The following FBXO38 variants were observed in gnomAD, a reference collection of about 807,000 sequenced individuals.
FBXO38 encodes the protein F-box only protein 38.
FBXO38 carries 53 observed loss-of-function variants against 131.9 expected under a neutral mutation model. The ratio of observed to expected loss-of-function variants is 0.40; its 90% CI spans 0.32 to 0.51. The LOEUF (loss-of-function observed/expected upper bound fraction) is 0.51. Ranked by LOEUF, FBXO38 falls within the 20% of genes least tolerant of loss-of-function variation. The pLI is 0.53. For missense variants in FBXO38, 1,076 were observed against 1,475.6 expected, an observed-to-expected ratio of 0.73 and a Z score of 4.44; for synonymous variants, 452 against 505.6, an observed-to-expected ratio of 0.89 and a Z score of 1.42.
intron 20 of FBXO38, among the ~76,000 whole-genome samples, 160 bp from the exon 21 acceptor site, chr5:148,440,964 G>A (rs746553164): frequency 1.3e-5 from 2 of 152,082 alleles, no homozygotes; most frequent in Admixed American, 6.6e-5. Context: ...AACATAAAAC[G>A]TAAACAGAAA....
intron 12 of FBXO38, among the ~76,000 whole-genome samples, chr5:148,422,876 T>A (rs144002156): frequency 6.6e-6 from 1 of 152,242 alleles, no homozygotes; most frequent in Non-Finnish European, 1.5e-5. Flanking sequence ...TTTCCAAGCT[T>A]TTAACAATCT....
chr5:148,414,952 C>G (rs1048036091), intron 10 of FBXO38, among the ~76,000 whole-genome samples: 1 of 152,136 alleles, frequency 6.6e-6, no homozygotes, highest in African/African-American at 2.4e-5. Flanking sequence ...GACAAAGCCT[C>G]TCACTGACAC....
At chr5:148,396,432 T>A (rs1323476755) in intron 2 of FBXO38, among the ~76,000 whole-genome samples, 2 of 152,200 alleles carry the variant, frequency 1.3e-5, no homozygotes, top group Non-Finnish European at 2.9e-5. Flanking sequence ...TTGGGTGGAC[T>A]ATTCAGCAAT....
chr5:148,406,348 C>A lies in FBXO38; in HGVS notation c.822C>A (p.Phe274Leu). The change falls in exon 7 of 22, where the codon TTC (phenylalanine) becomes TTA (leucine). Residue 274 changes from phenylalanine to leucine, a missense_variant. Around this residue, in one of 8 missense-constraint regions of FBXO38, gnomAD observed 146 missense variants for 274.3 expected, o/e 0.53. Coordinates refer to ENST00000340253, the MANE Select transcript of FBXO38 (RefSeq NM_205836.3). ...ACTTAGAAATGGTTCGAGTTCCTTT[C>A]CTTGGAGGTCTTATCCAACATGTTG... The part of the protein sequence containing the change: ...LEHLEMVRVP[F>L]LGGLIQHVVE... The A allele has an allele frequency of 6.2e-7, 1 of 1,607,458 alleles. No homozygotes were observed. The highest frequency in any genetic ancestry group is 8.5e-7 in the Non-Finnish European group (1 of 1,176,622).
rs1176764993 is a variant in FBXO38, at chr5:148,439,640, TC to T, written c.3025-5del. ...TTGAAGACATCTCTTTATGATGTCT[TC>T]CACAGGTGGACACTCTAACTTTGGA... On this transcript the variant is annotated splice_region_variant and splice_polypyrimidine_tract_variant and intron_variant, in intron 18 of 21. Transcript: ENST00000340253. 1 of 1,601,780 alleles carries T rather than the reference TC, an allele frequency of 6.2e-7. No homozygotes were observed. Among genetic ancestry groups the T allele is most frequent in the South Asian group, 1.1e-5 (1 of 90,700 alleles).
chr5:148,431,429 G>A lies in FBXO38; in HGVS notation c.2654-1995G>A, dbSNP rs534666309. Among the ~76,000 whole-genome samples the A allele has an allele frequency of 7.2e-5, 11 of 152,294 alleles. No individual in the cohort carries two copies. The South Asian group carries it at 2.3e-3, about 32-fold the overall frequency. On this transcript the variant is annotated intron_variant, in intron 15 of 21. Transcript: ENST00000340253. ...GTAAACTACCAGTTTGGGTACCCTG[G>A]AGAGCAGGAAACTTTACCTAATTTT... is the stretch of plus-strand genomic sequence containing the variant.
In FBXO38 at chr5:148,427,203, C is replaced by A; in HGVS notation, c.1919-10C>A. 1.3e-6 allele frequency: 2 copies of A among 1,557,086 alleles called. No homozygotes were observed. Among genetic ancestry groups the A allele is most frequent in the African/African-American group, 1.4e-5 (1 of 72,236 alleles). On this transcript the variant is annotated splice_polypyrimidine_tract_variant and intron_variant, in intron 14 of 21. Transcript: ENST00000340253. The stretch of plus-strand genomic sequence containing the variant: ...TTTTCCTCGGGCCGTTCTTCTTTTT[C>A]TATAAGCAGTAAGTGGAAAAGGCAA...
In FBXO38 at chr5:148,402,097, T is replaced by C. The variant is rs1581237224; in HGVS notation, c.378T>C (p.Phe126=). The C allele has an allele frequency of 6.2e-7, 1 of 1,613,700 alleles. No homozygotes were observed. The highest frequency in any genetic ancestry group is 8.5e-7 in the Non-Finnish European group (1 of 1,179,670). Reference sequence around the variant, plus strand: ...GAAGAGTAAGGGGCCATGAGGCTTTTAGCATTCCAGGAGTCCTAGAAGCTT... The same window carrying C: ...GAAGAGTAAGGGGCCATGAGGCTTTCAGCATTCCAGGAGTCCTAGAAGCTT... ...ERRRVRGHEA[F]SIPGVLEALQ... is the part of the protein sequence containing the mutation. Residue 126 remains phenylalanine, a synonymous_variant, in exon 4 of 22, where the codon TTT becomes TTC. Coordinates refer to ENST00000340253, the MANE Select transcript of FBXO38 (RefSeq NM_205836.3).
In FBXO38 at chr5:148,410,656, G is replaced by C; in HGVS notation, c.984G>C (p.Gln328His). ...ACAGGTTACATGAAGTTCGGATCCA[G>C]CCTTCCCTAACCAAAGATGGTGTCT... Reference protein sequence around the residue: ...AARRLHEVRIQPSLTKDGVFS... With the variant: ...AARRLHEVRIHPSLTKDGVFS... The change falls in exon 9 of 22, where the codon CAG (glutamine) becomes CAC (histidine). Residue 328 changes from glutamine (Q) to histidine (H), a missense_variant. Gln to His is a conservative substitution (Grantham distance 24, BLOSUM62 0). This residue lies in a region of FBXO38 where 146 missense variants were observed against 274.3 expected (regional missense o/e 0.53). Coordinates refer to ENST00000340253, the MANE Select transcript of FBXO38 (RefSeq NM_205836.3). The C allele has an allele frequency of 1.2e-6, 2 of 1,614,098 alleles. No individual in the cohort carries two copies. The highest frequency in any genetic ancestry group is 8.5e-7 in the Non-Finnish European group (1 of 1,179,994).
chr5:148,433,382 C>G (rs376917359), intron 15 of FBXO38, 42 bp from the exon 16 acceptor site: 64 of 1,420,862 alleles, frequency 4.5e-5, no homozygotes, highest in Non-Finnish European at 5.7e-5. Flanking sequence ...GGAAAGAAAG[C>G]AAGGCTAAAA....
In FBXO38 at chr5:148,424,021, G is replaced by A. The variant is rs751449877; in HGVS notation, c.1642G>A (p.Val548Ile). 3.2e-5 allele frequency: 51 copies of A among 1,612,942 alleles called. No homozygotes were observed. The highest frequency in any genetic ancestry group is 2.7e-4 in the Admixed American group (16 of 59,864). ...ADALNEMEDIVQEDGEVVAES... is the reference protein window; with the variant it reads ...ADALNEMEDIIQEDGEVVAES... ...AGCATTAAATGAGATGGAAGACATCGTCCAAGAAGATGGAGAGGTGGTGGC... is the reference window on the plus strand; with the variant it reads ...AGCATTAAATGAGATGGAAGACATCATCCAAGAAGATGGAGAGGTGGTGGC... The change falls in exon 13 of 22, where the codon GTC becomes ATC. Residue 548 changes from valine to isoleucine, a missense_variant. Around this residue, in one of 8 missense-constraint regions of FBXO38, gnomAD observed 212 missense variants for 221.2 expected, o/e 0.96. Transcript: ENST00000340253.
At chr5:148,402,849 G>T (rs1352304802) in intron 5 of FBXO38, among the ~76,000 whole-genome samples, 1 of 152,100 alleles carries the variant, frequency 6.6e-6, no homozygotes, top group Non-Finnish European at 1.5e-5. Context: ...TGTTAATATA[G>T]CTGGCCTTTA....
At chr5:148,398,946 T>G (rs1175191165) in intron 2 of FBXO38, 53 bp from the exon 3 acceptor site, 1 of 1,592,718 alleles carries the variant, frequency 6.3e-7, no homozygotes, top group Non-Finnish European at 8.6e-7. Context: ...AACTTACTGG[T>G]GAGAAGTAAT....
At chr5:148,421,112 G>A (rs1186151137) in intron 12 of FBXO38, among the ~76,000 whole-genome samples, 7 of 152,024 alleles carry the variant, frequency 4.6e-5, no homozygotes, top group South Asian at 2.1e-4. Flanking sequence ...GACTATAGGC[G>A]CGTGCCATCA....
rs1227921932 is a variant in FBXO38, at chr5:148,439,701, A to G, written c.3079A>G (p.Ile1027Val). The change falls in exon 19 of 22, where the codon ATC (isoleucine) becomes GTC (valine). Residue 1027 changes from isoleucine (I) to valine (V), a missense_variant. Ile to Val is a conservative substitution (Grantham distance 29). Coordinates refer to ENST00000340253, the MANE Select transcript of FBXO38 (RefSeq NM_205836.3). ...KLFSGPYPYH[I>V]CIIHEFSNPP... ...ATTTAGTGGTCCCTACCCCTATCAC[A>G]TCTGTATTATCCATGAATTCAGTAA... The G allele has an allele frequency of 6.2e-7, 1 of 1,609,934 alleles. No homozygotes were observed.
At chr5:148,421,961 A>G (rs868107171) in intron 12 of FBXO38, among the ~76,000 whole-genome samples, 4 of 151,172 alleles carry the variant, frequency 2.6e-5, no homozygotes, top group East Asian at 1.9e-4. Flanking sequence ...TCATTTACCA[A>G]CTCTTGTTGA....
At chr5:148,425,237 A>G (rs975665392) in intron 13 of FBXO38, among the ~76,000 whole-genome samples, 6 of 152,170 alleles carry the variant, frequency 3.9e-5, no homozygotes, top group Non-Finnish European at 8.8e-5. Flanking sequence ...TGAAATAGTG[A>G]AGGTCCTGCA....
rs1410072101 is a variant in FBXO38, at chr5:148,427,713, G to T, written c.2419G>T (p.Gly807Cys). 1 of 1,614,212 alleles carries T rather than the reference G, an allele frequency of 6.2e-7. No individual in the cohort carries two copies. Among genetic ancestry groups the T allele is most frequent in the East Asian group, 2.2e-5 (1 of 44,880 alleles). Reference sequence around the variant, plus strand: ...AACCAGCCGAGCCTGTGTTGTGAATGGCCCGGATGGTACGAGATCCGCCTT... The same window carrying T: ...AACCAGCCGAGCCTGTGTTGTGAATTGCCCGGATGGTACGAGATCCGCCTT... ...PSTSRACVVN[G>C]PDGTRSAFSF... The change falls in exon 15 of 22, where the codon GGC becomes TGC. Residue 807 changes from glycine to cysteine, a missense_variant. Around this residue, in one of 8 missense-constraint regions of FBXO38, gnomAD observed 213 missense variants for 225.2 expected, o/e 0.95. Transcript: ENST00000340253.
chr5:148,425,604 A>G lies in FBXO38; in HGVS notation c.1821A>G (p.Leu607=). 6.2e-7 allele frequency: 1 copy of G among 1,613,880 alleles called. No homozygotes were observed. Among genetic ancestry groups the G allele is most frequent in the Non-Finnish European group, 8.5e-7 (1 of 1,179,736 alleles). Residue 607 remains leucine, a synonymous_variant, in exon 14 of 22, where the codon CTA becomes CTG. Transcript: ENST00000340253. ...AGAGTGATGATGAAGAAGATAGTCT[A>G]GAACTCCAAGAAGTCTGGATTCCTA... ...DSESDDEEDS[L]ELQEVWIPKN...
Sources: allele counts gnomAD v4.1 joint callset (sites outside exome capture counted in the v4.1 genomes callset), GRCh38; gene constraint gnomAD v4.1.1; regional missense constraint gnomAD v4.1.1; transcripts MANE v1.5; gene names NCBI Gene and HGNC (gene_info 2026-07-23, HGNC 2026-07-21).